RSF1: variants seen among roughly 807,000 people sequenced by gnomAD.
RSF1 encodes the protein HBV pX-associated protein 8.
RSF1 carries 13 observed loss-of-function variants against 145.2 expected under a neutral mutation model. The ratio of observed to expected loss-of-function variants is 0.09; its 90% CI spans 0.06 to 0.14. RSF1 has a LOEUF of 0.14. Ranked by LOEUF, RSF1 falls within the 10% of genes least tolerant of loss-of-function variation. The pLI is 1.00. For synonymous variants in RSF1, 577 were observed against 592.6 expected, an observed-to-expected ratio of 0.97 and a Z score of 0.38; for missense variants, 1,517 against 1,718.2, an observed-to-expected ratio of 0.88 and a Z score of 2.07.
chr11:77,678,240 C>T lies in RSF1; in HGVS notation c.3066-87G>A, dbSNP rs572121547. The T allele has an allele frequency of 2.3e-4, 168 of 730,420 alleles. No individual in the cohort carries two copies. In the African/African-American group the frequency reaches 2.4e-3, roughly 11 times the overall value. 45.2% of individuals were successfully genotyped at this position (730,420 alleles called of 1,614,324 possible). Reference sequence around the variant, plus strand: ...TATTTTTATTTATTTATTTTTGAGACGGAGTCTCTCTTTGTTGCCAGGCTG... The same window carrying T: ...TATTTTTATTTATTTATTTTTGAGATGGAGTCTCTCTTTGTTGCCAGGCTG... On this transcript the variant is annotated intron_variant, in intron 11 of 15. Coordinates refer to ENST00000308488, the MANE Select transcript of RSF1 (RefSeq NM_016578.4).
At chr11:77,731,222 G>A (rs1025868968) in intron 4 of RSF1, among the ~76,000 whole-genome samples, 2 of 152,164 alleles carry the variant, frequency 1.3e-5, no homozygotes, top group African/African-American at 2.4e-5. Flanking sequence ...GTTTTGTTAC[G>A]TTTTAGCAGA....
At chr11:77,728,193 C>T (rs1343769613) in intron 4 of RSF1, among the ~76,000 whole-genome samples, 2 of 152,196 alleles carry the variant, frequency 1.3e-5, no homozygotes, top group Non-Finnish European at 2.9e-5. Flanking sequence ...TGACTGACTG[C>T]ACTTCTGCTC....
intron 10 of RSF1, among the ~76,000 whole-genome samples, chr11:77,684,112 T>C (rs1959940851): frequency 6.6e-6 from 1 of 152,212 alleles, no homozygotes; most frequent in Admixed American, 6.5e-5. Flanking sequence ...TGATAAATAA[T>C]TTAATTTGCA....
chr11:77,819,033 C>G (rs1256105141), intron 1 of RSF1, among the ~76,000 whole-genome samples: 2 of 152,186 alleles, frequency 1.3e-5, no homozygotes, highest in Non-Finnish European at 2.9e-5. Context: ...TTTGAGTCTT[C>G]GGTAGCCATA....
chr11:77,800,195 G>T (rs1280588022), intron 1 of RSF1, among the ~76,000 whole-genome samples: 2 of 152,012 alleles, frequency 1.3e-5, no homozygotes, highest in Non-Finnish European at 2.9e-5. Flanking sequence ...TAAAGTTTAG[G>T]AAAAATTTGG....
rs117357432 is a variant in RSF1, at chr11:77,791,905, C to T, written c.188-27216G>A. On this transcript the variant is annotated intron_variant, in intron 1 of 15. Coordinates refer to ENST00000308488, the MANE Select transcript of RSF1 (RefSeq NM_016578.4). ...TTTTCCTTTGAGCCCTCCAAATGTT[C>T]CAACCTCTGCCTGTTACCCAGTTCC... Among the ~76,000 whole-genome samples, 186 of 152,314 alleles carry T rather than the reference C, an allele frequency of 1.2e-3. 3 individuals carry two copies. The East Asian group carries it at 0.024, about 20-fold the overall frequency.
intron 6 of RSF1, among the ~76,000 whole-genome samples, chr11:77,699,978 C>A (rs556828432): frequency 1.3e-5 from 2 of 152,004 alleles, no homozygotes. Context: ...AAGTGAAAAA[C>A]TCACAGAAAA....
In RSF1 at chr11:77,666,270, T is replaced by C. The variant is rs1393221288; in HGVS notation, c.*647A>G. 2.0e-5 allele frequency: 3 copies of C among 152,488 alleles called. No individual in the cohort carries two copies. In the East Asian group the frequency reaches 5.8e-4, roughly 29 times the overall value. The allele number at this position is 152,488 out of a possible 1,614,324, so 9.4% of individuals were successfully genotyped here. Reference sequence around the variant, plus strand: ...TTATTTTTTTTTAAACAAGAAACTCTGCTATAACAAAAATTTAGGTTAATT... The same window carrying C: ...TTATTTTTTTTTAAACAAGAAACTCCGCTATAACAAAAATTTAGGTTAATT... On this transcript the variant is annotated 3_prime_UTR_variant, in exon 16 of 16. Transcript: ENST00000308488.
intron 4 of RSF1, among the ~76,000 whole-genome samples, chr11:77,728,916 G>A (rs761175001): frequency 6.6e-6 from 1 of 152,030 alleles, no homozygotes; most frequent in Non-Finnish European, 1.5e-5. Context: ...AAGAGATGGT[G>A]GCTTGGACAA....
intron 1 of RSF1, among the ~76,000 whole-genome samples, chr11:77,790,309 C>T (rs760227559): frequency 6.6e-6 from 1 of 152,108 alleles, no homozygotes; most frequent in Admixed American, 6.5e-5. Context: ...TAACTATCAA[C>T]TCTCATGAGA....
chr11:77,823,588 C>T (rs1011237920), upstream of RSF1, among the ~76,000 whole-genome samples: 2 of 138,074 alleles, frequency 1.4e-5, no homozygotes, highest in African/African-American at 5.5e-5. Flanking sequence ...TGCCACTGCA[C>T]TCCAGCCTGG....
In RSF1 at chr11:77,666,871, T is replaced by G; in HGVS notation, c.*46A>C. Reference sequence around the variant, plus strand: ...GCTTTTAATAACTGGCCCGCTGGTGTGAGAGCTACCGTGGAATAAATTAGC... The same window carrying G: ...GCTTTTAATAACTGGCCCGCTGGTGGGAGAGCTACCGTGGAATAAATTAGC... On this transcript the variant is annotated 3_prime_UTR_variant, in exon 16 of 16. Coordinates refer to ENST00000308488, the MANE Select transcript of RSF1 (RefSeq NM_016578.4). 1 of 1,441,902 alleles carries G rather than the reference T, an allele frequency of 6.9e-7. No homozygotes were observed. Among genetic ancestry groups the G allele is most frequent in the Non-Finnish European group, 9.3e-7 (1 of 1,073,610 alleles). 89.3% of individuals were successfully genotyped at this position (1,441,902 alleles called of 1,614,324 possible).
intron 1 of RSF1, among the ~76,000 whole-genome samples, chr11:77,768,494 A>T (rs762753863): frequency 4.6e-4 from 70 of 152,092 alleles, no homozygotes; most frequent in Non-Finnish European, 8.8e-4. Context: ...TTTCTTTTGT[A>T]CTAAGTAAAA....
At chr11:77,693,102 G>C (rs1960197627) in intron 8 of RSF1, among the ~76,000 whole-genome samples, 1 of 152,260 alleles carries the variant, frequency 6.6e-6, no homozygotes, top group African/African-American at 2.4e-5. Context: ...AGAAGAGAAA[G>C]AGAATCTATG....
chr11:77,711,530 G>T (rs966038992), intron 5 of RSF1, among the ~76,000 whole-genome samples: 1 of 152,026 alleles, frequency 6.6e-6, no homozygotes, highest in Non-Finnish European at 1.5e-5. Flanking sequence ...TTAGCCGGGC[G>T]TGGTTGCAGG....
intron 1 of RSF1, among the ~76,000 whole-genome samples, chr11:77,785,306 T>C (rs969267180): frequency 6.6e-6 from 1 of 152,168 alleles, no homozygotes; most frequent in African/African-American, 2.4e-5. Flanking sequence ...TAAAGCAACA[T>C]TGGCTGGGCA....
intron 2 of RSF1, among the ~76,000 whole-genome samples, chr11:77,760,556 C>G (rs1412583188): frequency 6.6e-6 from 1 of 152,110 alleles, no homozygotes; most frequent in Non-Finnish European, 1.5e-5. Flanking sequence ...TGAATTTTAT[C>G]TTATGTGAAT....
chr11:77,766,520 G>A (rs534364691), intron 1 of RSF1, among the ~76,000 whole-genome samples: 88 of 152,222 alleles, frequency 5.8e-4, no homozygotes, highest in Non-Finnish European at 1.0e-3. Context: ...GGTGGGAGTG[G>A]GGAACAGTGT....
the RSF1 span, among the ~76,000 whole-genome samples, chr11:77,839,031 T>A: frequency 6.6e-6 from 1 of 152,240 alleles, no homozygotes; most frequent in Non-Finnish European, 1.5e-5. Flanking sequence ...ACCATATTTT[T>A]GTTTATTTCT....
Sources: gnomAD v4.1 joint callset for allele counts (sites outside exome capture counted in the v4.1 genomes callset) on GRCh38, gnomAD v4.1.1 for gene constraint, MANE v1.5 for transcripts, NCBI Gene and HGNC (gene_info 2026-07-23, HGNC 2026-07-21) for gene names.